Variants in GALNT13 observed in about 807,000 individuals in gnomAD.
The protein encoded by GALNT13 is polypeptide N-acetylgalactosaminyltransferase 13.
A neutral mutation model predicts 64.2 loss-of-function variants in GALNT13; 28 were observed. The observed-to-expected ratio is 0.44, with a 90% CI of 0.32 to 0.60. GALNT13 has a LOEUF of 0.60. GALNT13 is among the 20% of genes least tolerant of loss of function. GALNT13 has a pLI of 0.05. For missense variants in GALNT13, 577 were observed against 669.8 expected (o/e 0.86, Z 1.53); for synonymous variants, 214 against 224.6 (o/e 0.95, Z 0.42).
At chr2:153,362,784 G>A in the GALNT13 span, among the ~76,000 whole-genome samples, 1 of 152,024 alleles carries the variant, frequency 6.6e-6, no homozygotes, top group Non-Finnish European at 1.5e-5. Context: ...CACAATAATA[G>A]TGGGAGACTT....
At chr2:153,630,785 ATATATATATATATATATATATATTTTTT>A in the GALNT13 span, among the ~76,000 whole-genome samples, 17 of 10,418 alleles carry the variant, frequency 1.6e-3, no homozygotes, top group Admixed American at 8.5e-3. Flanking sequence ...ATATATATAT[ATATATATATATATATATATATATTTTTT>A]TTTTTTTTTT....
chr2:154,114,991 A>C (rs1174313404), intron 3 of GALNT13, among the ~76,000 whole-genome samples: 3 of 152,206 alleles, frequency 2.0e-5, no homozygotes, highest in Non-Finnish European at 2.9e-5. Flanking sequence ...TCCCACCGTT[A>C]GATCTGACAT....
At chr2:153,183,513 C>T in the GALNT13 span, among the ~76,000 whole-genome samples, 1 of 152,104 alleles carries the variant, frequency 6.6e-6, no homozygotes, top group Non-Finnish European at 1.5e-5. Context: ...GTTGCAATTG[C>T]TTTTGGGATT....
the GALNT13 span, among the ~76,000 whole-genome samples, chr2:153,664,801 T>C: frequency 0.89 from 135,219 of 152,154 alleles, 60,132 homozygotes; most frequent in East Asian, 0.92. Context: ...CCCGCAACAA[T>C]GAGTCATGTA....
At chr2:153,290,637 A>C in the GALNT13 span, among the ~76,000 whole-genome samples, 1 of 152,196 alleles carries the variant, frequency 6.6e-6, no homozygotes, top group Non-Finnish European at 1.5e-5. Flanking sequence ...ACTTTTTTCC[A>C]TGTCCAGTAT....
At chr2:153,907,965 C>T (rs1207682390) in intron 2 of GALNT13, among the ~76,000 whole-genome samples, 1 of 151,946 alleles carries the variant, frequency 6.6e-6, no homozygotes, top group Non-Finnish European at 1.5e-5. Flanking sequence ...TTGTTTTTAA[C>T]TCTTTGAGGA....
chr2:153,395,016 C>T, the GALNT13 span, among the ~76,000 whole-genome samples: 1 of 152,230 alleles, frequency 6.6e-6, no homozygotes, highest in East Asian at 1.9e-4. Flanking sequence ...TTACCGAGGT[C>T]CCTGTTGTTT....
At chr2:153,557,258 G>A in the GALNT13 span, among the ~76,000 whole-genome samples, 1 of 152,084 alleles carries the variant, frequency 6.6e-6, no homozygotes. Flanking sequence ...TAGCCTAGGA[G>A]CAGCAGGCCA....
chr2:154,099,782 T>G (rs1702255938), intron 3 of GALNT13, among the ~76,000 whole-genome samples: 1 of 151,958 alleles, frequency 6.6e-6, no homozygotes, highest in South Asian at 2.1e-4. Flanking sequence ...TACAAAAAAT[T>G]TTAAGAAATT....
chr2:153,744,298 A>G, the GALNT13 span, among the ~76,000 whole-genome samples: 6 of 151,994 alleles, frequency 3.9e-5, no homozygotes, highest in South Asian at 8.3e-4. Context: ...CCTACCAACA[A>G]TGTGCAAGGG....
At chr2:153,608,846 A>G in the GALNT13 span, among the ~76,000 whole-genome samples, 2 of 147,436 alleles carry the variant, frequency 1.4e-5, no homozygotes, top group South Asian at 4.2e-4. Flanking sequence ...TATTAAAAAT[A>G]TTTTTATATA....
the GALNT13 span, among the ~76,000 whole-genome samples, chr2:153,437,981 G>A: frequency 6.6e-6 from 1 of 152,204 alleles, no homozygotes; most frequent in Non-Finnish European, 1.5e-5. Flanking sequence ...TCCTTTCCAT[G>A]TTTAGTGCTT....
intron 11 of GALNT13, among the ~76,000 whole-genome samples, chr2:154,426,553 A>G (rs745664758): frequency 2.0e-5 from 3 of 152,174 alleles, no homozygotes; most frequent in Non-Finnish European, 2.9e-5. Flanking sequence ...CTCGTGGGAT[A>G]TATTTTGGAA....
At chr2:153,181,433 C>G in the GALNT13 span, among the ~76,000 whole-genome samples, 1 of 150,914 alleles carries the variant, frequency 6.6e-6, no homozygotes, top group Non-Finnish European at 1.5e-5. Context: ...AACATAAGAT[C>G]TATCCTGGAG....
chr2:153,837,769 C>A, the GALNT13 span, among the ~76,000 whole-genome samples: 3 of 152,006 alleles, frequency 2.0e-5, no homozygotes, highest in Admixed American at 1.3e-4. Context: ...ATTTTACTTT[C>A]TTTGCATATA....
At chr2:153,101,112 A>G in the GALNT13 span, among the ~76,000 whole-genome samples, 1 of 152,226 alleles carries the variant, frequency 6.6e-6, no homozygotes, top group African/African-American at 2.4e-5. Context: ...AACATAATTT[A>G]TAACTTATGT....
the GALNT13 span, among the ~76,000 whole-genome samples, chr2:153,403,194 G>A: frequency 6.7e-6 from 1 of 150,350 alleles, no homozygotes; most frequent in Non-Finnish European, 1.5e-5. Flanking sequence ...GCCGTGTGAG[G>A]TGTCGGTATG....
chr2:154,271,136 G>T (rs960038481), intron 8 of GALNT13, among the ~76,000 whole-genome samples: 2 of 151,882 alleles, frequency 1.3e-5, no homozygotes, highest in African/African-American at 4.8e-5. Flanking sequence ...TTCTTCACAG[G>T]TTTGGTTCAC....
chr2:154,013,589 C>T (rs1017488604), intron 3 of GALNT13, among the ~76,000 whole-genome samples: 53 of 152,034 alleles, frequency 3.5e-4, no homozygotes, highest in African/African-American at 1.3e-3. Flanking sequence ...CTCACTTGCG[C>T]CAGAGAAGAA....
Sources: gnomAD v4.1 joint callset for allele counts (sites outside exome capture counted in the v4.1 genomes callset) on GRCh38, gnomAD v4.1.1 for gene constraint, MANE v1.5 for transcripts, NCBI Gene and HGNC (gene_info 2026-07-23, HGNC 2026-07-21) for gene names.